Variants in MLPH observed in about 807,000 individuals in gnomAD.
MLPH encodes the protein melanophilin, also known as exophilin-3.
MLPH carries 51 observed loss-of-function variants against 72.1 expected under a neutral mutation model. That is an observed-to-expected ratio of 0.71 (90% CI 0.56 to 0.89). MLPH has a LOEUF of 0.89. MLPH is among the 40% of genes least tolerant of loss of function. The pLI is 0.00. For missense variants in MLPH, 743 were observed against 759.9 expected (o/e 0.98, Z 0.26); for synonymous variants, 301 against 310.1 (o/e 0.97, Z 0.31).
chr2:237,553,484 G>A, intron 15 of MLPH, 82 bp from the exon 16 acceptor site: 1 of 1,289,606 alleles, frequency 7.8e-7, no homozygotes, highest in East Asian at 2.4e-5. Context: ...CTGTGTATTT[G>A]TATGTGCATG....
At position 237,546,678 on chromosome 2, in the gene MLPH, G is replaced by GC; in HGVS notation, c.1614dup (p.Lys539GlnfsTer15). ...CCCAAATGCAGACCCTTCAAGTGAG[G>GC]CCAAGGTATGTGTTACTCCATTCAA... On this transcript the variant is annotated frameshift_variant, in exon 13 of 16. Coordinates refer to ENST00000264605, the MANE Select transcript of MLPH (RefSeq NM_024101.7). LOFTEE classifies it high-confidence loss of function. 1 of 1,613,904 alleles carries GC rather than the reference G, an allele frequency of 6.2e-7. No individual in the cohort carries two copies.
chr2:237,525,523 G>T, intron 6 of MLPH, 78 bp from the exon 7 acceptor site: 1 of 1,479,758 alleles, frequency 6.8e-7, no homozygotes, highest in Admixed American at 1.7e-5. Context: ...TCAGGGCTTG[G>T]ATTGAAAGAC....
intron 13 of MLPH, among the ~76,000 whole-genome samples, chr2:237,548,420 G>C (rs780725119): frequency 1.3e-5 from 2 of 152,212 alleles, no homozygotes; most frequent in Non-Finnish European, 2.9e-5. Context: ...ACTGTAGCAA[G>C]GCAATCAACT....
chr2:237,546,812 C>T lies in MLPH; in HGVS notation c.1617+129C>T, dbSNP rs914553077. On this transcript the variant is annotated intron_variant, in intron 13 of 15. Coordinates refer to ENST00000264605, the MANE Select transcript of MLPH (RefSeq NM_024101.7). ...CTCACAGCTACCCACACAGCAATGC[C>T]CACACAGCTGCCACAACACCGTGGC... 5 of 792,134 alleles carry T rather than the reference C, an allele frequency of 6.3e-6. No individual in the cohort carries two copies. In the African/African-American group the frequency reaches 8.5e-5, roughly 13 times the overall value. 49.1% of individuals were successfully genotyped at this position (792,134 alleles called of 1,614,324 possible).
rs146113104 is a variant in MLPH at position 237,523,098 on chromosome 2, G to A, written c.676-2503G>A. On this transcript the variant is annotated intron_variant, in intron 6 of 15. Transcript: ENST00000264605. ...CATATTGAGAATTCTACAATAGATC[G>A]GATAATGAATAGTGCTGCTGGGATA... Among the ~76,000 whole-genome samples, 52 of 152,272 alleles carry A rather than the reference G, an allele frequency of 3.4e-4. No homozygotes were observed. In the East Asian group the frequency reaches 8.5e-3, roughly 25 times the overall value.
intron 9 of MLPH, among the ~76,000 whole-genome samples, chr2:237,539,124 G>C (rs2080608670): frequency 6.6e-6 from 1 of 150,690 alleles, no homozygotes; most frequent in African/African-American, 2.4e-5. Flanking sequence ...CCATGGTCCA[G>C]GCTCTGCCTT....
In MLPH at chr2:237,527,390, C is replaced by T; in HGVS notation, c.894C>T (p.Ile298=). Reference sequence around the variant, plus strand: ...CTCGCTCTGAAGGGTCGAATGTCATCAGGAATGAGCAGCTGCCCCTGCAGT... The same window carrying T: ...CTCGCTCTGAAGGGTCGAATGTCATTAGGAATGAGCAGCTGCCCCTGCAGT... ...GTAAALGSNV[I]RNEQLPLQYL... Residue 298 remains isoleucine (I), a synonymous_variant, in exon 8 of 16, where the codon ATC becomes ATT. Transcript: ENST00000264605. The T allele has an allele frequency of 6.2e-7, 1 of 1,614,204 alleles. No homozygotes were observed. Among genetic ancestry groups the T allele is most frequent in the Non-Finnish European group, 8.5e-7 (1 of 1,180,046 alleles).
intron 6 of MLPH, among the ~76,000 whole-genome samples, chr2:237,521,023 C>T (rs890348855): frequency 5.3e-5 from 8 of 152,126 alleles, no homozygotes; most frequent in East Asian, 1.9e-4. Flanking sequence ...CCTAGGGCTG[C>T]GAGCTTCAGG....
chr2:237,520,037 GGTCCTCGTGTCTTTCCCCTGC>G lies in MLPH; in HGVS notation c.675+9_675+29del. On this transcript the variant is annotated intron_variant, in intron 6 of 15. Transcript: ENST00000264605. ...GCCAGGGACAGCCCACAGGTCAGTG[GGTCCTCGTGTCTTTCCCCTGC>G]CCCTCCCAGGAACCTGAGTGGCAGG... 2 of 1,613,838 alleles carry G rather than the reference GGTCCTCGTGTCTTTCCCCTGC, an allele frequency of 1.2e-6. No individual in the cohort carries two copies. Among genetic ancestry groups the G allele is most frequent in the Non-Finnish European group, 1.7e-6 (2 of 1,180,006 alleles).
At chr2:237,496,722 G>T (rs964616220) in intron 2 of MLPH, among the ~76,000 whole-genome samples, 9 of 152,198 alleles carry the variant, frequency 5.9e-5, no homozygotes, top group Admixed American at 2.0e-4. Context: ...ATTAGGGGGG[G>T]GCTTGTTAAG....
At chr2:237,488,490 C>A (rs2079365001) in intron 1 of MLPH, among the ~76,000 whole-genome samples, 1 of 152,168 alleles carries the variant, frequency 6.6e-6, no homozygotes, top group African/African-American at 2.4e-5. Flanking sequence ...ATTCAGCTGA[C>A]CTCAGTAAGG....
At chr2:237,524,845 GC>G (rs1261572723) in intron 6 of MLPH, among the ~76,000 whole-genome samples, 1 of 152,212 alleles carries the variant, frequency 6.6e-6, no homozygotes, top group Non-Finnish European at 1.5e-5. Context: ...CACAGGCAGT[GC>G]TGAGCCAGAG....
At chr2:237,493,951 C>T (rs993612434) in intron 2 of MLPH, among the ~76,000 whole-genome samples, 21 of 152,150 alleles carry the variant, frequency 1.4e-4, no homozygotes, top group Non-Finnish European at 2.5e-4. Context: ...CAGGTAGCAT[C>T]CCGTCCTCAC....
intron 8 of MLPH, among the ~76,000 whole-genome samples, chr2:237,529,192 A>G (rs13409241): frequency 0.4 from 61,161 of 151,772 alleles, 15,416 homozygotes; most frequent in African/African-American, 0.72. Flanking sequence ...ACAGGCGCCC[A>G]CCACCACGCC....
At chr2:237,515,885 TCTCA>T (rs886931446) in intron 4 of MLPH, among the ~76,000 whole-genome samples, 2 of 152,112 alleles carry the variant, frequency 1.3e-5, no homozygotes, top group Non-Finnish European at 2.9e-5. Flanking sequence ...CTTTTCCCAC[TCTCA>T]CTCACTGCGA....
intron 12 of MLPH, among the ~76,000 whole-genome samples, chr2:237,544,365 TG>T (rs1350674776): frequency 0.012 from 59 of 4,822 alleles, 5 homozygotes; most frequent in Admixed American, 0.02. Flanking sequence ...CAGTAGTGAG[TG>T]GGGGACCGTG....
Position 237,553,624 on chromosome 2 carries a change from C to G in MLPH, c.*32C>G, listed in dbSNP as rs1181944479. 1 of 1,614,210 alleles carries G rather than the reference C, an allele frequency of 6.2e-7. No homozygotes were observed. The highest frequency in any genetic ancestry group is 1.7e-5 in the Admixed American group (1 of 60,028). The stretch of plus-strand genomic sequence containing the variant: ...AGGACAGAGAGACAGAGCAGCCCTG[C>G]ACTGTTTTCCCTCCACCACAGCCAT... On this transcript the variant is annotated 3_prime_UTR_variant, in exon 16 of 16. Transcript: ENST00000264605.
rs558335394 is a variant in MLPH at position 237,554,103 on chromosome 2, A to T, written c.*511A>T. Reference sequence around the variant, plus strand: ...ATCCGGACAAGTGACTGAACTAATGATCTGCTGAATAATGAAGGAGGAATA... The same window carrying T: ...ATCCGGACAAGTGACTGAACTAATGTTCTGCTGAATAATGAAGGAGGAATA... On this transcript the variant is annotated 3_prime_UTR_variant, in exon 16 of 16. Transcript: ENST00000264605. The T allele has an allele frequency of 3.6e-6, 1 of 278,476 alleles. No homozygotes were observed. Among genetic ancestry groups the T allele is most frequent in the Non-Finnish European group, 7.1e-6 (1 of 141,810 alleles). The allele number at this position is 278,476 out of a possible 1,614,324, so 17.3% of individuals were successfully genotyped here.
rs2079877065 is a variant in MLPH at position 237,510,818 on chromosome 2, A to G, written c.332+23A>G. On this transcript the variant is annotated intron_variant, in intron 3 of 15. Coordinates refer to ENST00000264605, the MANE Select transcript of MLPH (RefSeq NM_024101.7). The surrounding 1 kb of genome is among the most constrained non-coding windows in gnomAD (Gnocchi z 4.4). ...CAGGTGAGCCCAGGCCTTGAGGTAA[A>G]ATGACCTTGATAGTTTCTGGATCTG... is the stretch of plus-strand genomic sequence containing the variant. 1.9e-6 allele frequency: 3 copies of G among 1,612,310 alleles called. No individual in the cohort carries two copies. In the African/African-American group the frequency reaches 4.0e-5, roughly 22 times the overall value.
Sources: allele counts gnomAD v4.1 joint callset (sites outside exome capture counted in the v4.1 genomes callset), GRCh38; gene constraint gnomAD v4.1.1; non-coding constraint Gnocchi (gnomAD v3.1); transcripts MANE v1.5; gene names NCBI Gene and HGNC (gene_info 2026-07-23, HGNC 2026-07-21).